The following GALNT7 variants were observed in gnomAD, a reference collection of about 807,000 sequenced individuals.
The protein encoded by GALNT7 is polypeptide N-acetylgalactosaminyltransferase 7.
In GALNT7, 60 loss-of-function variants were observed where a neutral mutation model predicts 82.1. That is an observed-to-expected ratio of 0.73 (90% CI 0.59 to 0.91). GALNT7 has a LOEUF of 0.91. Ranked by LOEUF, GALNT7 falls within the 40% of genes least tolerant of loss-of-function variation. The pLI, the probability that GALNT7 is intolerant of heterozygous loss-of-function variation, is 0.00. For missense variants in GALNT7, 660 were observed against 804.2 expected, an observed-to-expected ratio of 0.82 and a Z score of 2.17; for synonymous variants, 243 against 275.1, an observed-to-expected ratio of 0.88 and a Z score of 1.15.
At chr4:173,310,217 G>C (rs575465201) in intron 8 of GALNT7, among the ~76,000 whole-genome samples, 32 of 152,294 alleles carry the variant, frequency 2.1e-4, no homozygotes, top group African/African-American at 7.5e-4. Flanking sequence ...CTCAACAGAA[G>C]TCAAAACTGA....
chr4:173,269,517 G>A (rs1735643035), intron 2 of GALNT7, among the ~76,000 whole-genome samples: 1 of 152,116 alleles, frequency 6.6e-6, no homozygotes, highest in Non-Finnish European at 1.5e-5. Flanking sequence ...ATTAGATTTA[G>A]TGCTGAAATA....
At position 173,317,718 on chromosome 4, in the gene GALNT7, A is replaced by G. The variant is rs1005082462; in HGVS notation, c.1693A>G (p.Met565Val). The G allele has an allele frequency of 6.2e-7, 1 of 1,604,496 alleles. No individual in the cohort carries two copies. Among genetic ancestry groups the G allele is most frequent in the African/African-American group, 1.3e-5 (1 of 74,820 alleles). ...TGTTGAACTAGGACCCTGCCACAGGATGGGAGGGAATCAGGTAAACCACCT... is the reference window on the plus strand; with the variant it reads ...TGTTGAACTAGGACCCTGCCACAGGGTGGGAGGGAATCAGGTAAACCACCT... ...GFVELGPCHRMGGNQLFRINE... is the reference protein window; with the variant it reads ...GFVELGPCHRVGGNQLFRINE... Residue 565 changes from methionine to valine, a missense_variant, in exon 10 of 12, where the codon ATG becomes GTG. Met to Val is a conservative substitution (Grantham distance 21). Coordinates refer to ENST00000265000, the MANE Select transcript of GALNT7 (RefSeq NM_017423.3).
chr4:173,299,495 C>T (rs1051677024), intron 6 of GALNT7, among the ~76,000 whole-genome samples: 2 of 151,964 alleles, frequency 1.3e-5, no homozygotes, highest in Non-Finnish European at 2.9e-5. Flanking sequence ...CACTGGTGAC[C>T]ATGTTAAGAT....
Position 173,260,947 on chromosome 4 carries a change from C to T in GALNT7, c.587+12507C>T, listed in dbSNP as rs527727700. On this transcript the variant is annotated intron_variant, in intron 2 of 11. Coordinates refer to ENST00000265000, the MANE Select transcript of GALNT7 (RefSeq NM_017423.3). ...AATTTAATCAACGAGTAAACGTTTACGAAGCGAAAATTGTCAGGAGTACCT... is the reference window on the plus strand; with the variant it reads ...AATTTAATCAACGAGTAAACGTTTATGAAGCGAAAATTGTCAGGAGTACCT... Among the ~76,000 whole-genome samples the T allele has an allele frequency of 8.5e-5, 13 of 152,214 alleles. No homozygotes were observed. In the South Asian group the frequency reaches 1.0e-3, roughly 12 times the overall value.
intron 5 of GALNT7, 196 bp from the exon 6 acceptor site, chr4:173,297,919 C>T (rs1271452023): frequency 2.0e-6 from 3 of 1,498,344 alleles, no homozygotes; most frequent in Non-Finnish European, 1.8e-6. Flanking sequence ...ACTATGGAAA[C>T]GTATTCCTCT....
chr4:173,251,020 A>G (rs1734829606), intron 2 of GALNT7, among the ~76,000 whole-genome samples: 1 of 152,164 alleles, frequency 6.6e-6, no homozygotes, highest in Admixed American at 6.5e-5. Flanking sequence ...ATCAAATTTT[A>G]TAATTAGATA....
chr4:173,321,763 A>AT lies in GALNT7; in HGVS notation c.*47dup. 7.0e-7 allele frequency: 1 copy of AT among 1,424,648 alleles called. No homozygotes were observed. Among genetic ancestry groups the AT allele is most frequent in the Non-Finnish European group, 9.9e-7 (1 of 1,014,100 alleles). 88.3% of individuals were successfully genotyped at this position (1,424,648 alleles called of 1,614,324 possible). On this transcript the variant is annotated 3_prime_UTR_variant, in exon 12 of 12. Transcript: ENST00000265000. Reference sequence around the variant, plus strand: ...AACCTACCTACTGACAAGTAAATTTATACAGGACTGAAAACCGCCTGAAAC... The same window carrying AT: ...AACCTACCTACTGACAAGTAAATTTATTACAGGACTGAAAACCGCCTGAAAC...
chr4:173,313,683 CAGAAT>C (rs1226852665), intron 8 of GALNT7, among the ~76,000 whole-genome samples: 1 of 151,776 alleles, frequency 6.6e-6, no homozygotes, highest in African/African-American at 2.4e-5. Context: ...CTTCTGTTAG[CAGAAT>C]AGAATACATT....
At chr4:173,235,556 C>CTTTTTTTT (rs11421248) in intron 1 of GALNT7, among the ~76,000 whole-genome samples, 8 of 140,790 alleles carry the variant, frequency 5.7e-5, no homozygotes, top group Admixed American at 1.4e-4. Flanking sequence ...CTTTTCTTTT[C>CTTTTTTTT]TTTTTTTTTT....
intron 1 of GALNT7, among the ~76,000 whole-genome samples, chr4:173,201,275 C>T (rs1732938956): frequency 6.6e-6 from 1 of 152,084 alleles, no homozygotes; most frequent in African/African-American, 2.4e-5. Context: ...TAAGCCACCT[C>T]ATGCCATTCT....
intron 1 of GALNT7, among the ~76,000 whole-genome samples, chr4:173,193,730 G>A (rs1347179595): frequency 6.6e-6 from 1 of 152,124 alleles, no homozygotes; most frequent in Non-Finnish European, 1.5e-5. Context: ...ATAATGAGTA[G>A]TGTGTTAGCT....
At chr4:173,293,758 C>T (rs1033547063) in intron 3 of GALNT7, among the ~76,000 whole-genome samples, 1 of 152,210 alleles carries the variant, frequency 6.6e-6, no homozygotes. Flanking sequence ...TTTGCTCAAA[C>T]TACACGGTCC....
At chr4:173,256,445 G>A (rs1448020086) in intron 2 of GALNT7, among the ~76,000 whole-genome samples, 34 of 152,152 alleles carry the variant, frequency 2.2e-4, no homozygotes, top group Non-Finnish European at 2.5e-4. Flanking sequence ...GTGCTGATTG[G>A]TTTTGGTTTC....
chr4:173,310,286 G>A (rs1379169639), intron 8 of GALNT7, among the ~76,000 whole-genome samples: 2 of 152,224 alleles, frequency 1.3e-5, no homozygotes, highest in Non-Finnish European at 2.9e-5. Context: ...GCCCGTGAAT[G>A]AAACTTAGGG....
intron 1 of GALNT7, among the ~76,000 whole-genome samples, chr4:173,175,761 T>A (rs1026171852): frequency 2.6e-5 from 4 of 152,256 alleles, no homozygotes; most frequent in African/African-American, 9.6e-5. Context: ...TCGAGGAACA[T>A]CTGTACATGG....
At chr4:173,285,083 C>T (rs753991828) in intron 2 of GALNT7, among the ~76,000 whole-genome samples, 11 of 152,194 alleles carry the variant, frequency 7.2e-5, no homozygotes, top group Admixed American at 4.6e-4. Flanking sequence ...TTAATATTTA[C>T]AGTCTTTTCA....
chr4:173,220,636 T>G (rs1733614993), intron 1 of GALNT7, among the ~76,000 whole-genome samples: 1 of 148,382 alleles, frequency 6.7e-6, no homozygotes, highest in South Asian at 2.3e-4. Flanking sequence ...TATCTTCCAG[T>G]GCTATCCCTC....
intron 1 of GALNT7, among the ~76,000 whole-genome samples, chr4:173,174,115 G>T (rs1297907536): frequency 6.6e-6 from 1 of 152,134 alleles, no homozygotes; most frequent in East Asian, 1.9e-4. Context: ...CTTAGGATTG[G>T]TTTTTGTTTC....
intron 8 of GALNT7, among the ~76,000 whole-genome samples, chr4:173,313,683 C>T (rs1294681259): frequency 6.6e-6 from 1 of 151,776 alleles, no homozygotes; most frequent in Non-Finnish European, 1.5e-5. Flanking sequence ...CTTCTGTTAG[C>T]AGAATAGAAT....
Sources: gnomAD v4.1 joint callset for allele counts (sites outside exome capture counted in the v4.1 genomes callset) on GRCh38, gnomAD v4.1.1 for gene constraint, MANE v1.5 for transcripts, NCBI Gene and HGNC (gene_info 2026-07-23, HGNC 2026-07-21) for gene names.